Variants in ZNF846 observed in about 807,000 individuals in gnomAD.
ZNF846 encodes the protein zinc finger protein 420 pseudogene.
Under a neutral mutation model 16.0 loss-of-function variants are expected in ZNF846, and 15 were observed. The ratio of observed to expected loss-of-function variants is 0.94; its 90% CI spans 0.63 to 1.45. The LOEUF (loss-of-function observed/expected upper bound fraction) is 1.45, where lower values mean the gene tolerates loss of function less well. Among genes scored for constraint, ZNF846 ranks in the 40% most tolerant of loss-of-function variants. ZNF846 has a pLI of 0.00. For synonymous variants in ZNF846, 229 were observed against 212.0 expected (o/e 1.08, Z -0.70); for missense variants, 714 against 622.3 (o/e 1.15, Z -1.57).
chr19:9,756,515 G>C (rs1410398927), downstream of ZNF846: 1 of 150,830 alleles, frequency 6.6e-6, no homozygotes, highest in Non-Finnish European at 1.5e-5. Context: ...AACGCATGTT[G>C]ACTGACTTAG....
rs932497605 is a variant in ZNF846, at chr19:9,774,675, A to G, written c.-85-9640T>C. ...AGAATCGAAATCAACTTTCCAGCAG[A>G]GTATCCATTCAAACTACCAAAGATC... On this transcript the variant is annotated intron_variant, in intron 1 of 4. Transcript: ENST00000586814. The G allele has an allele frequency of 9.0e-5, 132 of 1,473,236 alleles. 1 individual carries two copies. In the African/African-American group the frequency reaches 1.6e-3, roughly 18 times the overall value. The allele number at this position is 1,473,236 out of a possible 1,614,324, so 91.3% of individuals were successfully genotyped here.
At chr19:9,769,077 T>G (rs1011123811), upstream of ZNF846, among the ~76,000 whole-genome samples, 12 of 152,198 alleles carry the variant, frequency 7.9e-5, no homozygotes, top group Non-Finnish European at 1.2e-4. Flanking sequence ...TTTCTTTTCT[T>G]TTTTAATTTC....
At chr19:9,767,007 T>G (rs373236595) in intron 1 of ZNF846, among the ~76,000 whole-genome samples, 28 of 150,572 alleles carry the variant, frequency 1.9e-4, no homozygotes, top group East Asian at 7.7e-4. Context: ...TTTTTTTTTT[T>G]GTAGAGATGG....
exon 3 of ZNF846, chr19:9,763,320 T>C: frequency 1.2e-6 from 2 of 1,610,896 alleles, no homozygotes; most frequent in Non-Finnish European, 1.7e-6. Flanking sequence ...CAACATCACA[T>C]CTCTGTAGAG....
At position 9,766,458 on chromosome 19, in the gene ZNF846, T is replaced by C. The variant is rs199621570; in HGVS notation, c.-85-1423A>G. ...ACAGAAATATGCCACAATTCACCCATTCTGTGGATCCACATTTGGGTTGTT... is the reference window on the plus strand; with the variant it reads ...ACAGAAATATGCCACAATTCACCCACTCTGTGGATCCACATTTGGGTTGTT... On this transcript the variant is annotated intron_variant, in intron 1 of 5. Coordinates refer to ENST00000397902, the Ensembl canonical transcript of ZNF846. Among the ~76,000 whole-genome samples the C allele has an allele frequency of 1.5e-4, 22 of 151,342 alleles. No homozygotes were observed. The East Asian group carries it at 3.3e-3, about 23-fold the overall frequency.
At chr19:9,749,320 C>T (rs2045066275), downstream of ZNF846, among the ~76,000 whole-genome samples, 1 of 152,108 alleles carries the variant, frequency 6.6e-6, no homozygotes, top group African/African-American at 2.4e-5. Context: ...ACTTGTCATC[C>T]CTATTATCTT....
At chr19:9,752,638 C>A (rs1006968727), downstream of ZNF846, among the ~76,000 whole-genome samples, 27 of 139,324 alleles carry the variant, frequency 1.9e-4, no homozygotes, top group Non-Finnish European at 3.6e-4. Context: ...AAAAAAAATT[C>A]TTATTGCTTC....
chr19:9,777,137 ACACACACACACG>A (rs2045452957), intron 1 of ZNF846, among the ~76,000 whole-genome samples: 2 of 142,988 alleles, frequency 1.4e-5, no homozygotes, highest in East Asian at 1.9e-4. Context: ...ACGAAAGAAA[ACACACACACACG>A]CACACACACA....
At chr19:9,768,486 C>A (rs918101767) in exon 1 of ZNF846, 3 of 152,280 alleles carry the variant, frequency 2.0e-5, no homozygotes, top group East Asian at 1.9e-4. Context: ...GCGGGCGCAG[C>A]GGGAAGAGGC....
chr19:9,768,837 A>C (rs1385598566), upstream of ZNF846: 1 of 152,252 alleles, frequency 6.6e-6, no homozygotes, highest in Admixed American at 6.5e-5. Context: ...TGTGAAGCTG[A>C]GAGAAGAGCT....
rs776151415 is a variant in ZNF846, at chr19:9,758,065, A to T, written c.1012T>A (p.Tyr338Asn). The T allele has an allele frequency of 1.7e-5, 28 of 1,613,470 alleles. No individual in the cohort carries two copies. In the South Asian group the frequency reaches 2.7e-4, roughly 16 times the overall value. The change falls in exon 6 of 6, where the codon TAT becomes AAT. Residue 338 changes from tyrosine to asparagine, a missense_variant. Coordinates refer to ENST00000397902, the Ensembl canonical transcript of ZNF846. ...GCTTTTCCACACTCCTTACATTCATATGGCTTTTCTCCAGTGTGAATTCGC... is the reference window on the plus strand; with the variant it reads ...GCTTTTCCACACTCCTTACATTCATTTGGCTTTTCTCCAGTGTGAATTCGC...
Position 9,776,302 on chromosome 19 carries a change from C to T in ZNF846, c.-86+9636G>A, listed in dbSNP as rs563055852. ...CTGTTATCTGGAGGCCCAACCGTCT[C>T]CCTGTGATGCTGTGCTTCAGTGGTC... On this transcript the variant is annotated intron_variant, in intron 1 of 4. Coordinates refer to the ZNF846 transcript ENST00000586814. Among the ~76,000 whole-genome samples, 37 of 152,258 alleles carry T rather than the reference C, an allele frequency of 2.4e-4. No individual in the cohort carries two copies. In the Middle Eastern group the frequency reaches 0.01, roughly 42 times the overall value.
chr19:9,764,844 C>A (rs1424009167), intron 2 of ZNF846, 92 bp downstream of exon 2: 2 of 1,473,130 alleles, frequency 1.4e-6, no homozygotes, highest in Non-Finnish European at 1.9e-6. Flanking sequence ...ACCATCATTT[C>A]TTTAAGATGC....
chr19:9,763,341 G>A (rs1191606213), exon 3 of ZNF846: 4 of 1,611,628 alleles, frequency 2.5e-6, no homozygotes, highest in Non-Finnish European at 2.5e-6. Context: ...ATCTCTCTGG[G>A]CTTGATCCAA....
chr19:9,757,753 T>C, exon 6 of ZNF846: 8 of 1,613,520 alleles, frequency 5.0e-6, no homozygotes, highest in Non-Finnish European at 6.8e-6. Context: ...GTGTGAGTTC[T>C]TAAATGGGTA....
chr19:9,784,952 C>A (rs944337448), intron 1 of ZNF846, among the ~76,000 whole-genome samples: 1 of 152,186 alleles, frequency 6.6e-6, no homozygotes, highest in African/African-American at 2.4e-5. Context: ...AAGAATTTTT[C>A]TAAGTACAGA....
At chr19:9,758,099 A>C in exon 6 of ZNF846, 1 of 1,613,644 alleles carries the variant, frequency 6.2e-7, no homozygotes, top group South Asian at 1.1e-5. Context: ...GCATGTGTAA[A>C]ATAAGTCCTG....
At chr19:9,778,936 G>T (rs1176975083) in intron 1 of ZNF846, among the ~76,000 whole-genome samples, 1 of 151,314 alleles carries the variant, frequency 6.6e-6, no homozygotes, top group African/African-American at 2.4e-5. Context: ...TAGCCACCAT[G>T]CCCTATCTTC....
At chr19:9,749,546 C>CTTTT (rs60331343), downstream of ZNF846, among the ~76,000 whole-genome samples, 60 of 125,464 alleles carry the variant, frequency 4.8e-4, no homozygotes, top group East Asian at 6.9e-4. Context: ...ATAAGTCTTT[C>CTTTT]TTTTTTTTTT....
Sources: allele counts gnomAD v4.1 joint callset (sites outside exome capture counted in the v4.1 genomes callset), GRCh38; gene constraint gnomAD v4.1.1; transcripts MANE v1.5; gene names NCBI Gene and HGNC (gene_info 2026-07-23, HGNC 2026-07-21).